ZDHHC15: variants seen among roughly 807,000 people sequenced by gnomAD.
ZDHHC15 encodes the protein palmitoyltransferase ZDHHC15.
Under a neutral mutation model 31.7 loss-of-function variants are expected in ZDHHC15, and 19 were observed. That is an observed-to-expected ratio of 0.60 (90% confidence interval 0.42 to 0.88). The LOEUF (loss-of-function observed/expected upper bound fraction) is 0.88. Among genes scored for constraint, ZDHHC15 ranks in the 40% least tolerant of loss-of-function variants. The pLI, the probability that ZDHHC15 is intolerant of heterozygous loss-of-function variation, is 0.00. For missense variants in ZDHHC15, 209 were observed against 251.2 expected (o/e 0.83, Z 1.14); for synonymous variants, 103 against 90.0 (o/e 1.14, Z -0.82).
chrX:75,517,505 C>T (rs1203293896), intron 1 of ZDHHC15, among the ~76,000 whole-genome samples: 2 of 100,436 alleles, frequency 2.0e-5, no homozygotes, highest in Non-Finnish European at 3.9e-5. Flanking sequence ...CCAAACACTG[C>T]ATGTTCTCAG....
intron 7 of ZDHHC15, 78 bp downstream of exon 7, chrX:75,429,000 A>T: frequency 8.7e-7 from 1 of 1,148,240 alleles, no homozygotes; most frequent in Admixed American, 2.6e-5. Context: ...ATGTAAAAAG[A>T]TAGAGGGTGA....
At chrX:75,495,728 C>T (rs1380736989) in intron 2 of ZDHHC15, among the ~76,000 whole-genome samples, 1 of 92,043 alleles carries the variant, frequency 1.1e-5, no homozygotes, top group Non-Finnish European at 2.0e-5. Flanking sequence ...GGGAATTGAA[C>T]AATGAGAACA....
chrX:75,422,420 A>G (rs993913004), intron 8 of ZDHHC15, among the ~76,000 whole-genome samples: 2 of 112,047 alleles, frequency 1.8e-5, no homozygotes, highest in Admixed American at 9.5e-5. Flanking sequence ...AGAGATGGTA[A>G]TGACATTGAT....
intron 3 of ZDHHC15, among the ~76,000 whole-genome samples, chrX:75,455,065 T>A (rs2084193798): frequency 9.0e-6 from 1 of 111,420 alleles, no homozygotes; most frequent in African/African-American, 3.3e-5. Flanking sequence ...GCCAAGACAA[T>A]CCTAAGCCAA....
intron 10 of ZDHHC15, among the ~76,000 whole-genome samples, chrX:75,407,468 C>T (rs2083428453): frequency 9.2e-6 from 1 of 109,189 alleles, no homozygotes; most frequent in East Asian, 3.0e-4. Context: ...CGGTCAGCCA[C>T]CCCGCCTGGC....
At chrX:75,465,528 C>T (rs1380620714) in intron 3 of ZDHHC15, among the ~76,000 whole-genome samples, 1 of 111,214 alleles carries the variant, frequency 9.0e-6, no homozygotes, top group Non-Finnish European at 1.9e-5. Flanking sequence ...CTAAAGGCAC[C>T]ATGCTACAGA....
At chrX:75,454,968 A>G (rs2084191200) in intron 3 of ZDHHC15, among the ~76,000 whole-genome samples, 6 of 111,294 alleles carry the variant, frequency 5.4e-5, no homozygotes, top group Admixed American at 1.9e-4. Flanking sequence ...ATTCAATGTC[A>G]TCCCCATCAA....
intron 2 of ZDHHC15, among the ~76,000 whole-genome samples, chrX:75,500,185 A>G (rs1436738287): frequency 9.1e-6 from 1 of 109,590 alleles, no homozygotes; most frequent in African/African-American, 3.3e-5. Flanking sequence ...AGTTTGGGTG[A>G]TGGGTACACC....
At position 75,489,039 on chromosome X, in the gene ZDHHC15, G is replaced by T. The variant is rs763283011; in HGVS notation, c.164-10054C>A. On this transcript the variant is annotated intron_variant, in intron 2 of 11. Transcript: ENST00000373367. ...CTGAGATCAAACTGCAAGGCGGCAG[G>T]GGGGAGGAGTGCCCGCCATTGCCTA... 1.2e-4 allele frequency among the ~76,000 whole-genome samples: 13 copies of T among 111,695 alleles called. No homozygotes were observed. The South Asian group carries it at 3.4e-3, about 29-fold the overall frequency.
At position 75,371,774 on chromosome X, in the gene ZDHHC15, G is replaced by A. The variant is rs2083008026; in HGVS notation, c.*1204C>T. On this transcript the variant is annotated 3_prime_UTR_variant, in exon 12 of 12. Transcript: ENST00000373367. The stretch of plus-strand genomic sequence containing the variant: ...ACTCTTAAGATATTATTATTGTAAA[G>A]AATCAGTACTAGTATTCTCACTCAT... 1 of 111,805 alleles carries A rather than the reference G, an allele frequency of 8.9e-6. No individual in the cohort carries two copies. The highest frequency in any genetic ancestry group is 1.9e-5 in the Non-Finnish European group (1 of 53,173). 9.2% of individuals were successfully genotyped at this position (111,805 alleles called of 1,213,427 possible). A position where few individuals can be genotyped will look rare whatever the true frequency, so the allele number is the denominator to read the frequency against.
chrX:75,398,502 A>G (rs1443090335), intron 10 of ZDHHC15, among the ~76,000 whole-genome samples: 2 of 112,557 alleles, frequency 1.8e-5, no homozygotes, highest in Non-Finnish European at 3.8e-5. Context: ...TGCTCTTTGG[A>G]TGACTTAGCC....
chrX:75,472,525 A>G (rs770022881), intron 3 of ZDHHC15, among the ~76,000 whole-genome samples: 3 of 112,287 alleles, frequency 2.7e-5, no homozygotes, highest in Non-Finnish European at 3.8e-5. Context: ...AATTGGTGAC[A>G]AAGAAATTTG....
chrX:75,378,858 G>A (rs753957677), intron 11 of ZDHHC15, among the ~76,000 whole-genome samples: 1 of 111,249 alleles, frequency 9.0e-6, no homozygotes, highest in Non-Finnish European at 1.9e-5. Context: ...TTAACGGAAT[G>A]TTTGGGTGTC....
chrX:75,490,469 T>A (rs1459587646), intron 2 of ZDHHC15, among the ~76,000 whole-genome samples: 2 of 111,605 alleles, frequency 1.8e-5, no homozygotes, highest in African/African-American at 6.5e-5. Flanking sequence ...TTCTTGGCGA[T>A]GTGGGCTCTT....
At chrX:75,510,627 C>A (rs2085252194) in intron 1 of ZDHHC15, among the ~76,000 whole-genome samples, 1 of 91,432 alleles carries the variant, frequency 1.1e-5, no homozygotes, top group African/African-American at 4.0e-5. Flanking sequence ...GCACATTGTG[C>A]AGGTTAGTTA....
chrX:75,469,953 C>G (rs961001701), intron 3 of ZDHHC15, among the ~76,000 whole-genome samples: 2 of 111,393 alleles, frequency 1.8e-5, no homozygotes, highest in Non-Finnish European at 3.8e-5. Context: ...GAGGTGGTAT[C>G]TCATTGTTTT....
At chrX:75,517,892 A>G (rs2085384259) in intron 1 of ZDHHC15, among the ~76,000 whole-genome samples, 1 of 110,162 alleles carries the variant, frequency 9.1e-6, no homozygotes, top group African/African-American at 3.3e-5. Flanking sequence ...GCTATTTGAG[A>G]GGCTAAGGTG....
chrX:75,429,230 G>C lies in ZDHHC15; in HGVS notation c.483-32C>G, dbSNP rs371590918. 27 of 1,184,088 alleles carry C rather than the reference G, an allele frequency of 2.3e-5. No individual in the cohort carries two copies. In the African/African-American group the frequency reaches 4.3e-4, roughly 19 times the overall value. On this transcript the variant is annotated intron_variant, in intron 6 of 11. Coordinates refer to ENST00000373367, the MANE Select transcript of ZDHHC15 (RefSeq NM_144969.3). ...AAAAAGAAAAACTAATTTGACATCA[G>C]GACCTCTTGATTGAGAGCACACTGA...
chrX:75,472,345 G>A (rs2084515381), intron 3 of ZDHHC15, among the ~76,000 whole-genome samples: 1 of 112,093 alleles, frequency 8.9e-6, no homozygotes, highest in Non-Finnish European at 1.9e-5. Context: ...ATCCTGGAAG[G>A]ACAGCGGTGT....
Sources: allele counts gnomAD v4.1 joint callset (sites outside exome capture counted in the v4.1 genomes callset), GRCh38; gene constraint gnomAD v4.1.1; transcripts MANE v1.5; gene names NCBI Gene and HGNC (gene_info 2026-07-23, HGNC 2026-07-21).